Variants in UBR3 observed in about 807,000 individuals in gnomAD.
The protein encoded by UBR3 is E3 ubiquitin-protein ligase UBR3.
Under a neutral mutation model 243.2 loss-of-function variants are expected in UBR3, and 85 were observed. That is an observed-to-expected ratio of 0.35 (90% CI 0.29 to 0.42). UBR3 has a LOEUF of 0.42. Among genes scored for constraint, UBR3 ranks in the 10% least tolerant of loss-of-function variants. The pLI, the probability that UBR3 is intolerant of heterozygous loss-of-function variation, is 1.00. For synonymous variants in UBR3, 748 were observed against 799.8 expected (o/e 0.94, Z 1.09); for missense variants, 1,686 against 2,300.8 (o/e 0.73, Z 5.47).
At chr2:169,936,150 C>G (rs903823780) in intron 19 of UBR3, among the ~76,000 whole-genome samples, 2 of 152,052 alleles carry the variant, frequency 1.3e-5, no homozygotes, top group Non-Finnish European at 2.9e-5. Context: ...ACCTCTGCCT[C>G]CCGGATTCAA....
chr2:170,024,430 C>A (rs888098048), intron 30 of UBR3, among the ~76,000 whole-genome samples: 1 of 150,104 alleles, frequency 6.7e-6, no homozygotes, highest in South Asian at 2.1e-4. Flanking sequence ...ACTGGAACAT[C>A]TGTTTCAAAA....
intron 33 of UBR3, among the ~76,000 whole-genome samples, chr2:170,055,840 G>A (rs1340649520): frequency 3.3e-5 from 5 of 152,006 alleles, no homozygotes; most frequent in African/African-American, 1.2e-4. Flanking sequence ...CTTAAACTTA[G>A]AGAAGTTATA....
chr2:169,834,813 A>G (rs1414080882), intron 1 of UBR3, among the ~76,000 whole-genome samples: 2 of 152,246 alleles, frequency 1.3e-5, no homozygotes, highest in African/African-American at 4.8e-5. Flanking sequence ...TATACGTACA[A>G]TGGAATATTT....
At chr2:169,979,586 T>C (rs547465626) in intron 24 of UBR3, among the ~76,000 whole-genome samples, 1 of 152,336 alleles carries the variant, frequency 6.6e-6, no homozygotes, top group Admixed American at 6.5e-5. Flanking sequence ...GAATGAACTA[T>C]TAAGCCACAT....
At chr2:170,001,134 A>G (rs72874473) in intron 26 of UBR3, among the ~76,000 whole-genome samples, 170 bp from the exon 27 acceptor site, 174 of 152,342 alleles carry the variant, frequency 1.1e-3, no homozygotes, top group Admixed American at 1.8e-3. Flanking sequence ...AATTTTAAAG[A>G]TAGTGCCTGA....
chr2:169,959,414 C>T (rs957928520), intron 24 of UBR3, among the ~76,000 whole-genome samples: 1 of 151,622 alleles, frequency 6.6e-6, no homozygotes, highest in Non-Finnish European at 1.5e-5. Flanking sequence ...ACTTTCTGAG[C>T]ATTGACTTTC....
At chr2:170,045,883 A>G (rs1458267997) in intron 32 of UBR3, among the ~76,000 whole-genome samples, 1 of 152,190 alleles carries the variant, frequency 6.6e-6, no homozygotes, top group Non-Finnish European at 1.5e-5. Context: ...AAAATCGTGA[A>G]CACAATTAAA....
At chr2:170,061,485 T>A in intron 35 of UBR3, 42 bp downstream of exon 35, 1 of 1,091,654 alleles carries the variant, frequency 9.2e-7, no homozygotes. Flanking sequence ...TTTTTTTTTT[T>A]CAGATGGAGT....
At chr2:169,955,428 G>A (rs1559130781) in intron 23 of UBR3, among the ~76,000 whole-genome samples, 1 of 151,992 alleles carries the variant, frequency 6.6e-6, no homozygotes, top group Non-Finnish European at 1.5e-5. Flanking sequence ...GTCATGTCAA[G>A]CTGGTTTCCG....
intron 19 of UBR3, among the ~76,000 whole-genome samples, chr2:169,939,842 G>C (rs914533355): frequency 1.3e-5 from 2 of 152,146 alleles, no homozygotes; most frequent in Non-Finnish European, 2.9e-5. Flanking sequence ...TGAGATTACA[G>C]GTGTGAGCCA....
intron 25 of UBR3, among the ~76,000 whole-genome samples, chr2:169,991,884 A>G (rs922473747): frequency 1.3e-5 from 2 of 152,080 alleles, no homozygotes; most frequent in African/African-American, 4.8e-5. Context: ...GCCTGGCCTA[A>G]AACAACATAC....
chr2:169,882,261 T>TACAA (rs2083907599), intron 5 of UBR3, among the ~76,000 whole-genome samples: 1 of 138,978 alleles, frequency 7.2e-6, no homozygotes, highest in African/African-American at 2.7e-5. Context: ...TATATATTTA[T>TACAA]ATATATTTGT....
intron 27 of UBR3, among the ~76,000 whole-genome samples, chr2:170,004,246 A>T (rs1306109231): frequency 3.3e-5 from 5 of 152,320 alleles, no homozygotes; most frequent in African/African-American, 1.2e-4. Flanking sequence ...AAATATATTT[A>T]GAAGGACAAT....
chr2:169,851,863 A>C (rs955938169), intron 1 of UBR3, among the ~76,000 whole-genome samples: 7 of 151,704 alleles, frequency 4.6e-5, no homozygotes, highest in African/African-American at 1.7e-4. Context: ...AACAACAGTT[A>C]AGTGACAGAG....
At chr2:169,864,500 A>G (rs768067719) in intron 1 of UBR3, among the ~76,000 whole-genome samples, 5 of 152,092 alleles carry the variant, frequency 3.3e-5, no homozygotes, top group Non-Finnish European at 5.9e-5. Context: ...ACAGTGTCTC[A>G]TGCCTGTAAT....
At chr2:169,957,417 A>T (rs2087353775) in intron 23 of UBR3, among the ~76,000 whole-genome samples, 1 of 152,134 alleles carries the variant, frequency 6.6e-6, no homozygotes, top group Non-Finnish European at 1.5e-5. Flanking sequence ...TCGTAGGGAC[A>T]TGGATGAAGC....
At chr2:169,867,448 A>G (rs1355604718) in intron 1 of UBR3, among the ~76,000 whole-genome samples, 1 of 152,166 alleles carries the variant, frequency 6.6e-6, no homozygotes, top group East Asian at 1.9e-4. Context: ...AAATGCATGC[A>G]TTTTTAACTT....
At chr2:169,843,152 C>T (rs1281783246) in intron 1 of UBR3, among the ~76,000 whole-genome samples, 5 of 152,180 alleles carry the variant, frequency 3.3e-5, no homozygotes, top group Admixed American at 1.3e-4. Context: ...ATTATAGCAA[C>T]GACATCATTT....
At chr2:170,036,179 G>A (rs1478037306) in intron 31 of UBR3, among the ~76,000 whole-genome samples, 2 of 151,998 alleles carry the variant, frequency 1.3e-5, no homozygotes, top group African/African-American at 4.8e-5. Context: ...TTATCTTGAG[G>A]CATTAGCTAG....
Sources: allele counts gnomAD v4.1 joint callset (sites outside exome capture counted in the v4.1 genomes callset), GRCh38; gene constraint gnomAD v4.1.1; transcripts MANE v1.5; gene names NCBI Gene and HGNC (gene_info 2026-07-23, HGNC 2026-07-21).